DISP1: variants seen among roughly 807,000 people sequenced by gnomAD.
DISP1 encodes the protein dispatched RND transporter family member 1.
DISP1 carries 30 observed loss-of-function variants against 37.3 expected under a neutral mutation model. The observed-to-expected ratio is 0.80, with a 90% CI of 0.60 to 1.09. The LOEUF (loss-of-function observed/expected upper bound fraction) is 1.09. DISP1 is among the 50% of genes least tolerant of loss of function. The pLI is 0.00. For synonymous variants in DISP1, 634 were observed against 690.2 expected, an observed-to-expected ratio of 0.92 and a Z score of 1.28; for missense variants, 1,598 against 1,879.5, an observed-to-expected ratio of 0.85 and a Z score of 2.77.
At position 222,970,336 on chromosome 1, in the gene DISP1, T is replaced by C. The variant is rs1389314354; in HGVS notation, c.510-12744T>C. 8.5e-5 allele frequency among the ~76,000 whole-genome samples: 13 copies of C among 152,326 alleles called. No homozygotes were observed. The East Asian group carries it at 2.5e-3, about 29-fold the overall frequency. ...AGCAAGCATTTTTGAGCTCTTTTTT[T>C]TTATTAAGCCATTTATCTAGTCATT... On this transcript the variant is annotated intron_variant, in intron 3 of 8. Transcript: ENST00000675850.
At chr1:222,850,567 A>T (rs1319971981) in intron 1 of DISP1, among the ~76,000 whole-genome samples, 2 of 151,970 alleles carry the variant, frequency 1.3e-5, no homozygotes, top group African/African-American at 4.8e-5. Flanking sequence ...CCCAATAGTG[A>T]TCTTTTCTGC....
chr1:222,868,624 A>T (rs905146972), intron 1 of DISP1, among the ~76,000 whole-genome samples: 1 of 152,114 alleles, frequency 6.6e-6, no homozygotes, highest in African/African-American at 2.4e-5. Flanking sequence ...TGTATTAATG[A>T]CTTTTTAAAA....
chr1:222,934,765 C>A (rs568094498), intron 2 of DISP1, among the ~76,000 whole-genome samples: 2 of 152,174 alleles, frequency 1.3e-5, no homozygotes, highest in African/African-American at 4.8e-5. Flanking sequence ...GTTAACTAGG[C>A]AGGGTGCTTC....
chr1:223,003,126 C>T lies in DISP1; in HGVS notation c.1729C>T (p.Leu577=). The part of the protein sequence containing the change: ...VGIGADDAFV[L]CDVWNYTKFD... ...AATTGGAGCAGATGATGCTTTTGTC[C>T]TGTGTGATGTTTGGAACTACACAAA... The change falls in exon 9 of 9, where the codon CTG becomes TTG. Residue 577 remains leucine, a synonymous_variant. Transcript: ENST00000675850. This position sits in a 1 kb window ranked among gnomAD's most constrained non-coding sequence, Gnocchi z 4.3. 1 of 1,614,186 alleles carries T rather than the reference C, an allele frequency of 6.2e-7. No homozygotes were observed. The highest frequency in any genetic ancestry group is 1.7e-5 in the Admixed American group (1 of 60,030).
At chr1:222,904,372 A>T (rs2125409890) in intron 1 of DISP1, among the ~76,000 whole-genome samples, 1 of 152,240 alleles carries the variant, frequency 6.6e-6, no homozygotes, top group East Asian at 1.9e-4. Context: ...TCTGAGCTAT[A>T]CCAAAGATAT....
chr1:222,951,099 GACTC>G (rs1675186033), intron 3 of DISP1, among the ~76,000 whole-genome samples: 1 of 152,044 alleles, frequency 6.6e-6, no homozygotes, highest in African/African-American at 2.4e-5. Flanking sequence ...TGTTTCATGT[GACTC>G]ACTAGAGGAA....
intron 3 of DISP1, among the ~76,000 whole-genome samples, chr1:222,959,861 C>T (rs188639994): frequency 6.9e-6 from 1 of 145,946 alleles, no homozygotes; most frequent in African/African-American, 2.5e-5. Context: ...AGACTTTAAA[C>T]CAACAAAGAT....
chr1:222,895,853 T>G (rs896550849), intron 1 of DISP1, among the ~76,000 whole-genome samples: 12 of 152,174 alleles, frequency 7.9e-5, no homozygotes, highest in Admixed American at 3.3e-4. Context: ...GCTATGAAAC[T>G]TTTAGAAGAA....
rs1679581070 is a variant in DISP1 at position 223,002,958 on chromosome 1, T to A, written c.1561T>A (p.Tyr521Asn). 1 of 1,613,838 alleles carries A rather than the reference T, an allele frequency of 6.2e-7. No individual in the cohort carries two copies. The highest frequency in any genetic ancestry group is 1.1e-5 in the South Asian group (1 of 91,084). ...GATTGTCCTTTTAGTTATGTGTGTC[T>A]ACACCAAGTCCATGTTTATCACTCT... Reference protein sequence around the residue: ...IVIVLLVMCVYTKSMFITLMT... With the variant: ...IVIVLLVMCVNTKSMFITLMT... The change falls in exon 9 of 9, where the codon TAC becomes AAC. Residue 521 changes from tyrosine (Y) to asparagine (N), a missense_variant. Physicochemically the swap from Tyr to Asn is moderately radical, Grantham distance 143. Coordinates refer to ENST00000675850, the MANE Select transcript of DISP1 (RefSeq NM_001377229.1).
At position 222,817,594 on chromosome 1, in the gene DISP1, C is replaced by T. The variant is rs17475536; in HGVS notation, c.-159+2516C>T. On this transcript the variant is annotated intron_variant, in intron 1 of 8. Transcript: ENST00000675850. The stretch of plus-strand genomic sequence containing the variant: ...TGAGGAGCTACGAAAGACTGCTGAT[C>T]TGTTAACTTAAGGTCCAGCTGCTGC... 9.1e-3 allele frequency among the ~76,000 whole-genome samples: 1,385 copies of T among 152,332 alleles called. 8 individuals are homozygous for T. The highest frequency in any genetic ancestry group is 0.015 in the Non-Finnish European group (988 of 68,032).
At chr1:222,901,254 A>C (rs1234427831) in intron 1 of DISP1, among the ~76,000 whole-genome samples, 1 of 152,112 alleles carries the variant, frequency 6.6e-6, no homozygotes, top group Non-Finnish European at 1.5e-5. Flanking sequence ...TTTGTGAGAG[A>C]TTTGAGGAGC....
chr1:222,885,176 T>C (rs1558311212), intron 1 of DISP1, among the ~76,000 whole-genome samples: 1 of 152,204 alleles, frequency 6.6e-6, no homozygotes, highest in Non-Finnish European at 1.5e-5. Context: ...CATTCAGTAA[T>C]TGGAAAGCTA....
intron 4 of DISP1, among the ~76,000 whole-genome samples, chr1:222,987,757 A>G (rs1277619235): frequency 6.6e-6 from 1 of 152,234 alleles, no homozygotes; most frequent in East Asian, 1.9e-4. Flanking sequence ...GTAAAAATGC[A>G]TAACTTCTGA....
At chr1:222,990,537 A>C (rs1678624278) in intron 4 of DISP1, 88 bp from the exon 5 acceptor site, 2 of 1,608,088 alleles carry the variant, frequency 1.2e-6, no homozygotes, top group South Asian at 1.1e-5. Context: ...GGTACCAAAA[A>C]TATTTCTGCG....
At chr1:222,849,803 G>A (rs1558291626) in intron 1 of DISP1, among the ~76,000 whole-genome samples, 1 of 152,110 alleles carries the variant, frequency 6.6e-6, no homozygotes, top group Non-Finnish European at 1.5e-5. Context: ...ACCAGTTTTA[G>A]ATCTCAGTGA....
At chr1:222,851,434 A>G (rs1668227021) in intron 1 of DISP1, among the ~76,000 whole-genome samples, 1 of 152,156 alleles carries the variant, frequency 6.6e-6, no homozygotes, top group South Asian at 2.1e-4. Flanking sequence ...CACTAATTTT[A>G]TGAGTTTAAG....
chr1:222,982,670 A>G (rs767191614), intron 3 of DISP1, among the ~76,000 whole-genome samples: 5 of 152,226 alleles, frequency 3.3e-5, no homozygotes, highest in African/African-American at 4.8e-5. Context: ...ATTAATATCC[A>G]ATTTTTTTAA....
At position 223,004,389 on chromosome 1, in the gene DISP1, G is replaced by T. The variant is rs765028963; in HGVS notation, c.2992G>T (p.Val998Leu). 1.1e-5 allele frequency: 18 copies of T among 1,614,192 alleles called. No homozygotes were observed. The highest frequency in any genetic ancestry group is 1.4e-5 in the Non-Finnish European group (16 of 1,180,042). ...GCTGTCAGTTGCTGTTGCATTTAGC[G>T]TGATGCTGCTGACAACTTGGAACAT... ...MGLSVAVAFS[V>L]MLLTTWNIII... Residue 998 changes from valine (V) to leucine (L), a missense_variant, in exon 9 of 9, where the codon GTG becomes TTG. Transcript: ENST00000675850. This position sits in a 1 kb window ranked among gnomAD's most constrained non-coding sequence, Gnocchi z 4.9.
chr1:222,949,372 CG>C (rs1558350385), intron 3 of DISP1, among the ~76,000 whole-genome samples: 3 of 149,986 alleles, frequency 2.0e-5, no homozygotes, highest in African/African-American at 7.4e-5. Flanking sequence ...CCAGCCTGAG[CG>C]ACAGAGGGAG....
Sources: allele counts gnomAD v4.1 joint callset (sites outside exome capture counted in the v4.1 genomes callset), GRCh38; gene constraint gnomAD v4.1.1; non-coding constraint Gnocchi (gnomAD v3.1); transcripts MANE v1.5; gene names NCBI Gene and HGNC (gene_info 2026-07-23, HGNC 2026-07-21).